The following CLVS1 variants were observed in gnomAD, a reference collection of about 807,000 sequenced individuals.
CLVS1 encodes the protein clavesin-1.
Under a neutral mutation model 33.1 loss-of-function variants are expected in CLVS1, and 10 were observed. The observed-to-expected ratio is 0.30, with a 90% confidence interval of 0.19 to 0.51. The LOEUF (loss-of-function observed/expected upper bound fraction) is 0.51, where lower values mean the gene tolerates loss of function less well. Among genes scored for constraint, CLVS1 ranks in the 20% least tolerant of loss-of-function variants. CLVS1 has a pLI of 0.97. For missense variants in CLVS1, 343 were observed against 433.4 expected, an observed-to-expected ratio of 0.79 and a Z score of 1.85; for synonymous variants, 163 against 166.1, an observed-to-expected ratio of 0.98 and a Z score of 0.14.
chr8:61,468,577 G>A (rs1817632769), intron 5 of CLVS1, among the ~76,000 whole-genome samples: 1 of 152,102 alleles, frequency 6.6e-6, no homozygotes, highest in African/African-American at 2.4e-5. Context: ...AGCAATTTAA[G>A]TTCATGGAAC....
chr8:61,315,040 C>G (rs1287879147), intron 2 of CLVS1, among the ~76,000 whole-genome samples: 5 of 152,194 alleles, frequency 3.3e-5, no homozygotes, highest in African/African-American at 1.2e-4. Context: ...GTATCTTCCA[C>G]TGCAGCATCT....
intron 1 of CLVS1, among the ~76,000 whole-genome samples, chr8:61,100,573 T>C (rs2129286408): frequency 6.6e-6 from 1 of 152,326 alleles, no homozygotes; most frequent in Admixed American, 6.5e-5. Flanking sequence ...GAGATATAAT[T>C]CACATAATCA....
At chr8:61,128,410 C>A (rs543700780) in intron 1 of CLVS1, among the ~76,000 whole-genome samples, 1 of 152,336 alleles carries the variant, frequency 6.6e-6, no homozygotes, top group South Asian at 2.1e-4. Flanking sequence ...TTCAGTTGAT[C>A]TTCATCACCT....
intron 2 of CLVS1, among the ~76,000 whole-genome samples, chr8:61,182,895 C>CAA (rs1807267809): frequency 6.6e-6 from 1 of 151,642 alleles, no homozygotes. Context: ...ATGGAACCAA[C>CAA]CCTAATGCCC....
At chr8:61,373,980 T>C (rs906425255) in intron 2 of CLVS1, among the ~76,000 whole-genome samples, 8 of 152,302 alleles carry the variant, frequency 5.3e-5, no homozygotes, top group Middle Eastern at 3.4e-3. Context: ...TTTTTTACTA[T>C]AGCAACGGTA....
the CLVS1 span, among the ~76,000 whole-genome samples, chr8:61,024,888 C>T: frequency 6.6e-6 from 1 of 151,366 alleles, no homozygotes; most frequent in Non-Finnish European, 1.5e-5. Context: ...CTTGCTGTCA[C>T]CCAGGCTGCA....
intron 2 of CLVS1, among the ~76,000 whole-genome samples, chr8:61,282,555 A>G (rs142320647): frequency 4.9e-4 from 75 of 152,282 alleles, no homozygotes; most frequent in African/African-American, 1.7e-3. Context: ...TGCCCAAATA[A>G]TTCAGGCATG....
At chr8:61,321,907 C>A (rs1342859829) in intron 2 of CLVS1, among the ~76,000 whole-genome samples, 1 of 152,082 alleles carries the variant, frequency 6.6e-6, no homozygotes, top group African/African-American at 2.4e-5. Flanking sequence ...CATTGCAATC[C>A]CTCTTCCTAC....
At chr8:61,038,674 T>C in the CLVS1 span, among the ~76,000 whole-genome samples, 4 of 152,104 alleles carry the variant, frequency 2.6e-5, no homozygotes, top group South Asian at 8.3e-4. Context: ...TTTTGGAAAC[T>C]TCTATCTCAA....
At chr8:61,461,172 A>G (rs1329483069) in intron 5 of CLVS1, among the ~76,000 whole-genome samples, 1 of 152,234 alleles carries the variant, frequency 6.6e-6, no homozygotes, top group Non-Finnish European at 1.5e-5. Context: ...TGTAAAATTG[A>G]CATGAATTGA....
At chr8:61,165,047 G>A (rs1337990268) in intron 2 of CLVS1, among the ~76,000 whole-genome samples, 1 of 152,182 alleles carries the variant, frequency 6.6e-6, no homozygotes, top group Non-Finnish European at 1.5e-5. Context: ...AGAAGCCGTG[G>A]GTCACGGAAG....
chr8:61,116,298 C>T (rs535216901), intron 1 of CLVS1, among the ~76,000 whole-genome samples: 24 of 152,076 alleles, frequency 1.6e-4, no homozygotes, highest in South Asian at 6.2e-4. Context: ...GAGTAGGTTG[C>T]GAAAATTTTC....
intron 2 of CLVS1, among the ~76,000 whole-genome samples, chr8:61,334,974 G>A (rs1235609025): frequency 6.6e-6 from 1 of 152,204 alleles, no homozygotes; most frequent in African/African-American, 2.4e-5. Flanking sequence ...GGATAATTTG[G>A]TAGGTAGGGG....
At chr8:61,376,082 G>A (rs546179895) in intron 2 of CLVS1, among the ~76,000 whole-genome samples, 35 of 152,246 alleles carry the variant, frequency 2.3e-4, no homozygotes, top group East Asian at 7.7e-4. Flanking sequence ...CTAAAAAATA[G>A]CATCAATGGC....
intron 1 of CLVS1, among the ~76,000 whole-genome samples, chr8:61,068,213 ATATATGTATGTATGTG>A (rs1563390747): frequency 9.5e-6 from 1 of 105,452 alleles, no homozygotes; most frequent in African/African-American, 5.3e-5. Context: ...ATATATATAT[ATATATGTATGTATGTG>A]TATATATATA....
chr8:61,208,721 G>A lies in CLVS1; in HGVS notation c.-152+76861G>A, dbSNP rs182332019. 1.8e-4 allele frequency among the ~76,000 whole-genome samples: 27 copies of A among 152,128 alleles called. No homozygotes were observed. The East Asian group carries it at 2.9e-3, about 16-fold the overall frequency. Reference sequence around the variant, plus strand: ...TACTGCCTCAGCCTCCTAAGTAGCTGGGACTACAGGCACGCGCCACCACGC... The same window carrying A: ...TACTGCCTCAGCCTCCTAAGTAGCTAGGACTACAGGCACGCGCCACCACGC... On this transcript the variant is annotated intron_variant, in intron 2 of 2. Coordinates refer to the CLVS1 transcript ENST00000522621.
At position 61,300,114 on chromosome 8, in the gene CLVS1, A is replaced by G; in HGVS notation, c.287A>G (p.Gln96Arg). 1.2e-6 allele frequency: 2 copies of G among 1,614,064 alleles called. No homozygotes were observed. Among genetic ancestry groups the G allele is most frequent in the South Asian group, 1.1e-5 (1 of 91,076 alleles). Reference sequence around the variant, plus strand: ...GCGGATGCCTTTAGACTCCTGGCTCAGTATTTCCAGTACCGCCAGCTAAAC... The same window carrying G: ...GCGGATGCCTTTAGACTCCTGGCTCGGTATTTCCAGTACCGCCAGCTAAAC... ...HQADAFRLLA[Q>R]YFQYRQLNLD... Residue 96 changes from glutamine (Q) to arginine (R), a missense_variant, in exon 2 of 6, where the codon CAG becomes CGG. By Grantham distance (43) the Gln-to-Arg change is conservative (BLOSUM62 1). Around this residue, in one of 4 missense-constraint regions of CLVS1, gnomAD observed 166 missense variants for 244.0 expected, o/e 0.68. Transcript: ENST00000325897.
chr8:61,356,553 A>C (rs1585851313), intron 2 of CLVS1, among the ~76,000 whole-genome samples: 3 of 151,724 alleles, frequency 2.0e-5, no homozygotes, highest in South Asian at 2.1e-4. Context: ...TTTAGGTCTA[A>C]CGTTTAAGTC....
the CLVS1 span, among the ~76,000 whole-genome samples, chr8:61,050,175 A>G: frequency 6.6e-6 from 1 of 151,770 alleles, no homozygotes; most frequent in Admixed American, 6.6e-5. Flanking sequence ...AATTTTTTTT[A>G]CTGTGTTCAT....
Sources: allele counts gnomAD v4.1 joint callset (sites outside exome capture counted in the v4.1 genomes callset), GRCh38; gene constraint gnomAD v4.1.1; regional missense constraint gnomAD v4.1.1; transcripts MANE v1.5; gene names NCBI Gene and HGNC (gene_info 2026-07-23, HGNC 2026-07-21).